The following LRRC53 variants were observed in gnomAD, a reference collection of about 807,000 sequenced individuals.
The protein encoded by LRRC53 is leucine rich repeat containing 53, also known as leucine-rich repeat-containing protein 53.
Under a neutral mutation model 13.6 loss-of-function variants are expected in LRRC53, and 25 were observed. That is an observed-to-expected ratio of 1.83 (90% confidence interval 1.34 to 2.56). The LOEUF is 2.56. LRRC53 is among the 30% of genes most tolerant of loss of function. LRRC53 has a pLI of 0.00. For synonymous variants in LRRC53, 204 were observed against 109.8 expected, an observed-to-expected ratio of 1.86 and a Z score of -5.37; for missense variants, 527 against 275.8, an observed-to-expected ratio of 1.91 and a Z score of -6.45.
intron 3 of LRRC53, among the ~76,000 whole-genome samples, chr1:74,477,723 G>A (rs1668275834): frequency 6.6e-6 from 1 of 152,136 alleles, no homozygotes; most frequent in Admixed American, 6.5e-5. Context: ...GTCAGGTATG[G>A]TCACTTTCCA....
chr1:74,508,000 A>T (rs1669991844), intron 1 of LRRC53, among the ~76,000 whole-genome samples: 1 of 152,208 alleles, frequency 6.6e-6, no homozygotes, highest in Non-Finnish European at 1.5e-5. Context: ...AGTAGTTTGT[A>T]TGGAAAATAG....
intron 1 of LRRC53, among the ~76,000 whole-genome samples, chr1:74,495,183 C>G (rs1185715598): frequency 6.6e-6 from 1 of 152,178 alleles, no homozygotes; most frequent in African/African-American, 2.4e-5. Flanking sequence ...GTGCAAGTTT[C>G]TCTTAACAGC....
In LRRC53 at chr1:74,469,998, T is replaced by G. The variant is rs543187803; in HGVS notation, c.3624A>C (p.Ala1208=). Residue 1208 remains alanine (A), a synonymous_variant, in exon 5 of 5, where the codon GCA becomes GCC. Transcript: ENST00000294635. ...TAGGAACTAAAAACACCTCATTTTC[T>G]GCCTCAAAACTGTCTTTTAACCCTG... ...FLPGLKDSFE[A]ENEVFLVPSR... is the part of the protein sequence containing the mutation. The G allele has an allele frequency of 2.5e-6, 1 of 400,754 alleles. No homozygotes were observed. The highest frequency in any genetic ancestry group is 1.3e-4 in the South Asian group (1 of 7,958). 24.8% of individuals were successfully genotyped at this position (400,754 alleles called of 1,614,324 possible).
At chr1:74,532,944 C>T in the LRRC53 span, among the ~76,000 whole-genome samples, 2 of 152,148 alleles carry the variant, frequency 1.3e-5, no homozygotes, top group South Asian at 2.1e-4. Context: ...AAACGCTAGA[C>T]CTAAAACCAT....
chr1:74,518,396 G>A, the LRRC53 span, among the ~76,000 whole-genome samples: 2 of 151,724 alleles, frequency 1.3e-5, no homozygotes, highest in African/African-American at 2.4e-5. Flanking sequence ...CAGCATTTTC[G>A]TTCTTCTTCT....
At chr1:74,492,246 C>T (rs1232867505) in intron 1 of LRRC53, 1 of 1,594,010 alleles carries the variant, frequency 6.3e-7, no homozygotes, top group African/African-American at 1.3e-5. Context: ...ATGCAAGGTC[C>T]TATGCTGCTT....
chr1:74,509,042 G>C (rs534162559), intron 1 of LRRC53, among the ~76,000 whole-genome samples: 1 of 152,282 alleles, frequency 6.6e-6, no homozygotes, highest in Middle Eastern at 3.4e-3. Flanking sequence ...AGAAATGAAA[G>C]CCTGTGTCTA....
upstream of LRRC53, among the ~76,000 whole-genome samples, chr1:74,513,938 A>T (rs1178348960): frequency 6.6e-6 from 1 of 152,176 alleles, no homozygotes; most frequent in African/African-American, 2.4e-5. Context: ...TTTTCTATAG[A>T]CTAAGGGGAG....
At chr1:74,492,152 C>T (rs1669110966) in intron 1 of LRRC53, 6 of 1,613,010 alleles carry the variant, frequency 3.7e-6, no homozygotes, top group Non-Finnish European at 5.1e-6. Flanking sequence ...TCTTCTTCTT[C>T]TGATTGCCTG....
intron 1 of LRRC53, among the ~76,000 whole-genome samples, chr1:74,508,692 G>A (rs1670031358): frequency 1.3e-5 from 2 of 152,168 alleles, no homozygotes; most frequent in Non-Finnish European, 2.9e-5. Context: ...CCCAACCCGG[G>A]GCATATGTCT....
At chr1:74,516,214 G>GA (rs1343816925), upstream of LRRC53, among the ~76,000 whole-genome samples, 2 of 151,940 alleles carry the variant, frequency 1.3e-5, no homozygotes, top group Non-Finnish European at 2.9e-5. Flanking sequence ...CATTAGCCAG[G>GA]AAAAAAAATT....
At position 74,471,993 on chromosome 1, in the gene LRRC53, G is replaced by A. The variant is rs566707022; in HGVS notation, c.1629C>T (p.Ile543=). 7 of 635,198 alleles carry A rather than the reference G, an allele frequency of 1.1e-5. No homozygotes were observed. The highest frequency in any genetic ancestry group is 2.5e-4 in the Middle Eastern group (1 of 3,974). 39.3% of individuals were successfully genotyped at this position (635,198 alleles called of 1,614,324 possible). A position where few individuals can be genotyped will look rare whatever the true frequency, so the allele number is the denominator to read the frequency against. ...CEPEEHYVQK[I]VQKNRSKYDD... ...CATATTTTGATCTATTTTTTTGTACGATCTTTTGTACATAGTGTTCCTCAG... is the reference window on the plus strand; with the variant it reads ...CATATTTTGATCTATTTTTTTGTACAATCTTTTGTACATAGTGTTCCTCAG... The change falls in exon 5 of 5, where the codon ATC becomes ATT. Residue 543 remains isoleucine (I), a synonymous_variant. Transcript: ENST00000294635.
intron 1 of LRRC53, among the ~76,000 whole-genome samples, chr1:74,507,954 C>T (rs910599129): frequency 2.2e-4 from 34 of 152,268 alleles, no homozygotes; most frequent in African/African-American, 7.2e-4. Flanking sequence ...ACCAAAGATG[C>T]TGAAAAGCAA....
At chr1:74,489,870 A>G (rs1668966554) in intron 1 of LRRC53, among the ~76,000 whole-genome samples, 1 of 152,106 alleles carries the variant, frequency 6.6e-6, no homozygotes, top group African/African-American at 2.4e-5. Context: ...TTGAAAAATA[A>G]TATATTCTCA....
chr1:74,480,806 C>T lies in LRRC53; in HGVS notation c.251G>A (p.Arg84Gln), dbSNP rs750411086. The T allele has an allele frequency of 8.4e-6, 6 of 717,386 alleles. No homozygotes were observed. Among genetic ancestry groups the T allele is most frequent in the Non-Finnish European group, 1.6e-5 (6 of 385,102 alleles). The allele number at this position is 717,386 out of a possible 1,614,324, so 44.4% of individuals were successfully genotyped here. ...TTGGTTGTGCTCCAGCAACAAGGTC[C>T]GCAACATCGTAAGCCCATGCAGGGC... Reference protein sequence around the residue: ...EDALHGLTMLRTLLLEHNQIS... With the variant: ...EDALHGLTMLQTLLLEHNQIS... The change falls in exon 3 of 5, where the codon CGG (arginine) becomes CAG (glutamine). Residue 84 changes from arginine (R) to glutamine (Q), a missense_variant. Arg to Gln is a conservative substitution (Grantham distance 43). Coordinates refer to ENST00000294635, the MANE Select transcript of LRRC53 (RefSeq NM_001382280.1).
At chr1:74,532,532 A>T in the LRRC53 span, among the ~76,000 whole-genome samples, 6 of 151,770 alleles carry the variant, frequency 4.0e-5, no homozygotes, top group African/African-American at 1.2e-4. Context: ...TGTGCAGGTT[A>T]GTTACATATG....
chr1:74,481,189 T>C (rs1668483436), intron 2 of LRRC53, among the ~76,000 whole-genome samples: 1 of 152,194 alleles, frequency 6.6e-6, no homozygotes, highest in African/African-American at 2.4e-5. Flanking sequence ...TGCTGTGACA[T>C]GTTTGTTTGA....
intron 1 of LRRC53, among the ~76,000 whole-genome samples, chr1:74,485,074 G>A (rs2100274843): frequency 6.6e-6 from 1 of 152,284 alleles, no homozygotes; most frequent in Non-Finnish European, 1.5e-5. Context: ...AGGTGTCTAA[G>A]AGTAAATAAA....
Position 74,490,965 on chromosome 1 carries a change from T to C in LRRC53, c.-26-7590A>G, listed in dbSNP as rs532350747. On this transcript the variant is annotated intron_variant, in intron 1 of 4. Coordinates refer to ENST00000294635, the MANE Select transcript of LRRC53 (RefSeq NM_001382280.1). ...TGAATGCTAGTGGATAATAAGCTCA[T>C]TGGGAGTTAAAATATAAAGTGACTG... 2.6e-5 allele frequency among the ~76,000 whole-genome samples: 4 copies of C among 152,276 alleles called. No homozygotes were observed. The East Asian group carries it at 7.7e-4, about 29-fold the overall frequency.
Sources: allele counts gnomAD v4.1 joint callset (sites outside exome capture counted in the v4.1 genomes callset), GRCh38; gene constraint gnomAD v4.1.1; transcripts MANE v1.5; gene names NCBI Gene and HGNC (gene_info 2026-07-23, HGNC 2026-07-21).